Variants in SCMH1 observed in about 807,000 individuals in gnomAD.
SCMH1 encodes Scm polycomb group protein homolog 1, also known as polycomb protein SCMH1.
In SCMH1, 37 loss-of-function variants were observed where a neutral mutation model predicts 70.8. The ratio of observed to expected loss-of-function variants is 0.52; its 90% CI spans 0.40 to 0.69. SCMH1 has a LOEUF of 0.69. Among genes scored for constraint, SCMH1 ranks in the 30% least tolerant of loss-of-function variants. The probability of loss-of-function intolerance (pLI) is 0.00; values close to 1 mark genes in which losing one functional copy is unlikely to be tolerated. For synonymous variants in SCMH1, 292 were observed against 307.4 expected, an observed-to-expected ratio of 0.95 and a Z score of 0.52; for missense variants, 607 against 827.3, an observed-to-expected ratio of 0.73 and a Z score of 3.27.
At chr1:41,098,894 C>T (rs991189506) in intron 8 of SCMH1, 9 of 201,098 alleles carry the variant, frequency 4.5e-5, no homozygotes, top group African/African-American at 1.2e-4. Flanking sequence ...TAAGCGTGAC[C>T]GCTATGCCAT....
intron 4 of SCMH1, among the ~76,000 whole-genome samples, chr1:41,153,501 G>A (rs1645251371): frequency 6.6e-6 from 1 of 152,106 alleles, no homozygotes; most frequent in Non-Finnish European, 1.5e-5. Flanking sequence ...AGCATCAGGG[G>A]TACCACAACA....
chr1:41,049,239 A>G (rs149594616), intron 10 of SCMH1, among the ~76,000 whole-genome samples: 4 of 152,154 alleles, frequency 2.6e-5, no homozygotes, highest in Admixed American at 2.6e-4. Context: ...TGGTTGCCTC[A>G]CATATTCTTT....
chr1:41,208,794 C>A (rs1656264881), intron 1 of SCMH1, among the ~76,000 whole-genome samples: 1 of 152,116 alleles, frequency 6.6e-6, no homozygotes, highest in African/African-American at 2.4e-5. Flanking sequence ...CTAAAATCAA[C>A]ATACTAGCAT....
chr1:41,120,024 G>A (rs1671535314), intron 6 of SCMH1, among the ~76,000 whole-genome samples: 1 of 152,186 alleles, frequency 6.6e-6, no homozygotes. Context: ...GAGCAGCTTT[G>A]CCATGAGTGG....
chr1:41,080,133 GTC>G (rs1277489876), intron 8 of SCMH1, among the ~76,000 whole-genome samples: 3 of 151,446 alleles, frequency 2.0e-5, no homozygotes, highest in African/African-American at 7.3e-5. Context: ...TAATATATGA[GTC>G]TCTCTCTTAA....
chr1:41,240,100 T>G (rs1254569049), intron 1 of SCMH1, among the ~76,000 whole-genome samples: 1 of 152,192 alleles, frequency 6.6e-6, no homozygotes, highest in African/African-American at 2.4e-5. Flanking sequence ...CCAACTTACA[T>G]AAAAGGGAAC....
rs144854870 is a variant in SCMH1 at position 41,155,910 on chromosome 1, G to A, written c.107-4226C>T. 3.4e-4 allele frequency among the ~76,000 whole-genome samples: 51 copies of A among 148,232 alleles called. 1 individual carries two copies. In the East Asian group the frequency reaches 6.8e-3, roughly 20 times the overall value. On this transcript the variant is annotated intron_variant, in intron 4 of 14. Transcript: ENST00000337495. ...TAAGGCAGGAGAACTGCTTGAACCC[G>A]GGAGGTGGAGGTTGCAATGAGCTAA...
rs147771089 is a variant in SCMH1, at chr1:41,125,776, C to A, written c.413-8766G>T. On this transcript the variant is annotated intron_variant, in intron 6 of 14. Coordinates refer to ENST00000337495, the Ensembl canonical transcript of SCMH1. Reference sequence around the variant, plus strand: ...TTTCCAGTAGAGATGGGGGTCTTGCCATGTTGCCCAGGCTGGTCTCGAACT... The same window carrying A: ...TTTCCAGTAGAGATGGGGGTCTTGCAATGTTGCCCAGGCTGGTCTCGAACT... Among the ~76,000 whole-genome samples the A allele has an allele frequency of 3.1e-3, 474 of 151,732 alleles. 4 individuals carry two copies. Among genetic ancestry groups the A allele is most frequent in the Middle Eastern group, 6.8e-3 (2 of 294 alleles).
At chr1:41,180,929 G>A (rs111275312) in intron 2 of SCMH1, among the ~76,000 whole-genome samples, 9 of 152,074 alleles carry the variant, frequency 5.9e-5, no homozygotes, top group African/African-American at 1.2e-4. Flanking sequence ...GAGGCATCAC[G>A]CTACCTGACT....
intron 10 of SCMH1, among the ~76,000 whole-genome samples, chr1:41,065,070 A>G (rs1301491661): frequency 6.6e-6 from 1 of 152,252 alleles, no homozygotes; most frequent in East Asian, 1.9e-4. Context: ...AAGTAAACAG[A>G]TATTTTGTGT....
chr1:41,070,785 C>G, intron 9 of SCMH1, 64 bp from the exon 10 acceptor site: 2 of 1,580,042 alleles, frequency 1.3e-6, no homozygotes, highest in Non-Finnish European at 1.7e-6. Flanking sequence ...CTATTCTTGG[C>G]ACTTAATTCA....
At chr1:41,172,163 C>T (rs1291258633) in intron 2 of SCMH1, among the ~76,000 whole-genome samples, 1 of 139,028 alleles carries the variant, frequency 7.2e-6, no homozygotes, top group African/African-American at 2.7e-5. Flanking sequence ...CCAGCCTGGG[C>T]GACAGAGCGA....
intron 5 of SCMH1, among the ~76,000 whole-genome samples, chr1:41,147,604 T>C (rs1334115911): frequency 6.6e-6 from 1 of 152,142 alleles, no homozygotes; most frequent in East Asian, 1.9e-4. Flanking sequence ...TGATTTTTTT[T>C]CTCTACTTGT....
At chr1:41,034,198 C>G in intron 13 of SCMH1, 150 bp from the exon 14 acceptor site, 1 of 984,228 alleles carries the variant, frequency 1.0e-6, no homozygotes, top group Non-Finnish European at 1.3e-6. Context: ...TGCCTCTCTA[C>G]TTGAGAGCCC....
intron 6 of SCMH1, among the ~76,000 whole-genome samples, chr1:41,127,888 A>G (rs1673627612): frequency 1.3e-5 from 2 of 152,140 alleles, no homozygotes; most frequent in Admixed American, 6.5e-5. Flanking sequence ...AGCAGAAATC[A>G]ACCCCTGCCA....
intron 8 of SCMH1, among the ~76,000 whole-genome samples, chr1:41,095,003 C>T (rs1260318800): frequency 2.0e-5 from 3 of 152,128 alleles, no homozygotes; most frequent in African/African-American, 4.8e-5. Flanking sequence ...ACCCATCACC[C>T]CCAAACCCCT....
chr1:41,039,498 CAG>C (rs949029853), intron 12 of SCMH1, among the ~76,000 whole-genome samples: 1 of 149,594 alleles, frequency 6.7e-6, no homozygotes, highest in African/African-American at 2.5e-5. Context: ...TTTTTTGAGA[CAG>C]AGTCTCACTC....
intron 1 of SCMH1, among the ~76,000 whole-genome samples, chr1:41,217,054 G>GT (rs1410036381): frequency 6.6e-6 from 1 of 152,176 alleles, no homozygotes; most frequent in Non-Finnish European, 1.5e-5. Context: ...TTGGAATGGG[G>GT]TAACGGGTAG....
intron 4 of SCMH1, among the ~76,000 whole-genome samples, chr1:41,155,257 T>C (rs1037147790): frequency 5.9e-5 from 9 of 152,172 alleles, no homozygotes; most frequent in African/African-American, 1.9e-4. Flanking sequence ...CCATAAAATA[T>C]GGGCATAAGA....
Sources: allele counts gnomAD v4.1 joint callset (sites outside exome capture counted in the v4.1 genomes callset), GRCh38; gene constraint gnomAD v4.1.1; transcripts MANE v1.5; gene names NCBI Gene and HGNC (gene_info 2026-07-23, HGNC 2026-07-21).